Variants in TDP2 observed in about 807,000 individuals in gnomAD.
TDP2 encodes the protein 5'-Tyr-DNA phosphodiesterase.
TDP2 carries 38 observed loss-of-function variants against 42.8 expected under a neutral mutation model. The ratio of observed to expected loss-of-function variants is 0.89; its 90% confidence interval spans 0.68 to 1.16. The LOEUF is 1.16. Among genes scored for constraint, TDP2 ranks in the 50% most tolerant of loss-of-function variants. The pLI, the probability that TDP2 is intolerant of heterozygous loss-of-function variation, is 0.00. For synonymous variants in TDP2, 173 were observed against 150.6 expected, an observed-to-expected ratio of 1.15 and a Z score of -1.09; for missense variants, 439 against 439.3, an observed-to-expected ratio of 1.00 and a Z score of 0.01.
At chr6:24,663,785 A>C (rs1395581146) in intron 2 of TDP2, among the ~76,000 whole-genome samples, 1 of 152,188 alleles carries the variant, frequency 6.6e-6, no homozygotes. Context: ...AGCCTGCAGA[A>C]CTGTTAGCCA....
chr6:24,665,889 C>A (rs6456628), intron 2 of TDP2: 15,244 of 452,534 alleles, frequency 0.034, 438 homozygotes, highest in African/African-American at 0.1. Context: ...AAATTCCAGG[C>A]ACAGGTAATA....
At chr6:24,655,659 G>A (rs958942251) in intron 4 of TDP2, among the ~76,000 whole-genome samples, 9 of 152,140 alleles carry the variant, frequency 5.9e-5, no homozygotes, top group Admixed American at 2.0e-4. Flanking sequence ...GTTAGCCCAC[G>A]GCTGATAGGT....
intron 2 of TDP2, 57 bp downstream of exon 2, chr6:24,666,469 C>A (rs531985039): frequency 3.8e-6 from 6 of 1,570,672 alleles, no homozygotes; most frequent in South Asian, 1.1e-5. Context: ...ACGCGCAGGG[C>A]TACCTGGTAT....
chr6:24,653,630 A>T (rs1778010722), intron 5 of TDP2, among the ~76,000 whole-genome samples: 1 of 152,236 alleles, frequency 6.6e-6, no homozygotes, highest in Non-Finnish European at 1.5e-5. Context: ...TACCATTTGC[A>T]ATTAAGACAC....
chr6:24,666,348 T>C, intron 2 of TDP2, 178 bp downstream of exon 2: 1 of 1,482,124 alleles, frequency 6.7e-7, no homozygotes, highest in Non-Finnish European at 9.1e-7. Flanking sequence ...TTAGATCCGC[T>C]GCTGGGGCGC....
At chr6:24,663,681 C>T (rs182132193) in intron 2 of TDP2, among the ~76,000 whole-genome samples, 10 of 152,268 alleles carry the variant, frequency 6.6e-5, no homozygotes, top group East Asian at 3.9e-4. Flanking sequence ...CTTGCTCCTG[C>T]GCTCTCCATG....
intron 2 of TDP2, among the ~76,000 whole-genome samples, chr6:24,661,760 CT>C (rs1303270889): frequency 6.6e-6 from 1 of 152,112 alleles, no homozygotes; most frequent in Non-Finnish European, 1.5e-5. Context: ...GAATTTCATC[CT>C]ACCCAAAAGT....
At chr6:24,659,183 ACT>A (rs1392260187) in intron 2 of TDP2, 3 of 153,346 alleles carry the variant, frequency 2.0e-5, no homozygotes, top group Non-Finnish European at 4.4e-5. Flanking sequence ...TCATCATTGC[ACT>A]CTGACCAATC....
At chr6:24,661,700 T>A (rs1778150502) in intron 2 of TDP2, among the ~76,000 whole-genome samples, 1 of 151,034 alleles carries the variant, frequency 6.6e-6, no homozygotes, top group African/African-American at 2.4e-5. Flanking sequence ...CCCTTTTACA[T>A]AAAAATAACC....
At chr6:24,658,808 C>T in intron 2 of TDP2, 74 bp from the exon 3 acceptor site, 1 of 1,468,728 alleles carries the variant, frequency 6.8e-7, no homozygotes, top group Non-Finnish European at 9.2e-7. Context: ...GTATTTGTAG[C>T]CCTCATTTTA....
chr6:24,663,633 A>G (rs1416200007), intron 2 of TDP2, among the ~76,000 whole-genome samples: 2 of 152,034 alleles, frequency 1.3e-5, no homozygotes, highest in African/African-American at 4.8e-5. Context: ...TTCTTGCAAG[A>G]TCTGGTTGTT....
At chr6:24,658,416 C>T (rs1256059118) in intron 3 of TDP2, 145 bp downstream of exon 3, 18 of 621,804 alleles carry the variant, frequency 2.9e-5, no homozygotes, top group Non-Finnish European at 4.3e-5. Flanking sequence ...ATCCTGCTCT[C>T]AGAGGCAATC....
chr6:24,664,857 T>C (rs1778205371), intron 2 of TDP2, among the ~76,000 whole-genome samples: 1 of 152,204 alleles, frequency 6.6e-6, no homozygotes, highest in Non-Finnish European at 1.5e-5. Context: ...TCAACACCTT[T>C]GCTTGTTTTT....
At chr6:24,654,075 C>T (rs2010309077) in intron 5 of TDP2, among the ~76,000 whole-genome samples, 1 of 152,252 alleles carries the variant, frequency 6.6e-6, no homozygotes, top group Middle Eastern at 3.4e-3. Flanking sequence ...AATCTATATA[C>T]TATATCAGAG....
chr6:24,666,252 T>C, intron 2 of TDP2: 3 of 1,543,026 alleles, frequency 1.9e-6, no homozygotes, highest in Non-Finnish European at 2.6e-6. Flanking sequence ...GCTTACTTAT[T>C]TCCTTTCATT....
At chr6:24,658,973 A>C in intron 2 of TDP2, 1 of 388,290 alleles carries the variant, frequency 2.6e-6, no homozygotes. Flanking sequence ...AGCCCTATAT[A>C]CTGATGACTT....
intron 2 of TDP2, among the ~76,000 whole-genome samples, chr6:24,659,943 G>T (rs957174420): frequency 1.3e-5 from 2 of 152,178 alleles, no homozygotes; most frequent in African/African-American, 4.8e-5. Context: ...ACATATGTAT[G>T]TGTTCCAGTC....
At position 24,653,090 on chromosome 6, in the gene TDP2, C is replaced by A; in HGVS notation, c.700G>T (p.Ala234Ser). The part of the protein sequence containing the change: ...TSHLESTRGH[A>S]AERMNQLKMV... ...TTTAACTGATTCATTCGTTCCGCAG[C>A]ATGCCCTCTGGTGCTCTCCAAATGG... Residue 234 changes from alanine (A) to serine (S), a missense_variant, in exon 6 of 7, where the codon GCT becomes TCT. By Grantham distance (99) the Ala-to-Ser change is moderately conservative. Coordinates refer to ENST00000378198, the MANE Select transcript of TDP2 (RefSeq NM_016614.3). 3 of 1,614,182 alleles carry A rather than the reference C, an allele frequency of 1.9e-6. No individual in the cohort carries two copies. In the South Asian group the frequency reaches 3.3e-5, roughly 18 times the overall value.
At chr6:24,662,316 C>T (rs1009860611) in intron 2 of TDP2, among the ~76,000 whole-genome samples, 20 of 152,010 alleles carry the variant, frequency 1.3e-4, no homozygotes, top group Non-Finnish European at 2.6e-4. Context: ...GTCTCCTGCT[C>T]GTCCCTGGGA....
Sources: gnomAD v4.1 joint callset for allele counts (sites outside exome capture counted in the v4.1 genomes callset) on GRCh38, gnomAD v4.1.1 for gene constraint, MANE v1.5 for transcripts, NCBI Gene and HGNC (gene_info 2026-07-23, HGNC 2026-07-21) for gene names.